Variants in MOK observed in about 807,000 individuals in gnomAD.
MOK encodes MOK protein kinase, also known as MAPK/MAK/MRK overlapping kinase.
A neutral mutation model predicts 54.2 loss-of-function variants in MOK; 59 were observed. The ratio of observed to expected loss-of-function variants is 1.09; its 90% CI spans 0.88 to 1.35. The LOEUF (loss-of-function observed/expected upper bound fraction) is 1.35. MOK is among the 40% of genes most tolerant of loss of function. MOK has a pLI of 0.00. For synonymous variants in MOK, 210 were observed against 202.7 expected, an observed-to-expected ratio of 1.04 and a Z score of -0.31; for missense variants, 517 against 526.2, an observed-to-expected ratio of 0.98 and a Z score of 0.17.
rs115385966 is a variant in MOK, at chr14:102,282,920, T to C, written c.122+558A>G. 4.6e-3 allele frequency among the ~76,000 whole-genome samples: 699 copies of C among 151,864 alleles called. 6 individuals are homozygous for C. The highest frequency in any genetic ancestry group is 0.016 in the African/African-American group (650 of 41,400). Reference sequence around the variant, plus strand: ...AAAAATAATAATTAGCCGGGCTTGGTGGCACATGCCTGCAGTTGCAGCTAC... The same window carrying C: ...AAAAATAATAATTAGCCGGGCTTGGCGGCACATGCCTGCAGTTGCAGCTAC... On this transcript the variant is annotated intron_variant, in intron 2 of 11. Coordinates refer to ENST00000361847, the MANE Select transcript of MOK (RefSeq NM_014226.3).
chr14:102,226,357 TTGAA>T (rs1168461311), downstream of MOK: 14 of 703,056 alleles, frequency 2.0e-5, no homozygotes, highest in East Asian at 2.7e-4. This position sits in a 1 kb window ranked among gnomAD's most constrained non-coding sequence, Gnocchi z 4.8. Context: ...ATGAACGTGT[TTGAA>T]TGGGGAGGAG....
intron 1 of MOK, among the ~76,000 whole-genome samples, chr14:102,300,000 AG>A (rs2071978587): frequency 6.6e-6 from 1 of 151,948 alleles, no homozygotes. Context: ...CAATATAGGG[AG>A]ACCCCCATCT....
intron 2 of MOK, among the ~76,000 whole-genome samples, chr14:102,275,697 C>T (rs2068803409): frequency 1.3e-5 from 2 of 150,088 alleles, no homozygotes; most frequent in Non-Finnish European, 3.0e-5. Context: ...AGACAGAAAA[C>T]AAAAAACAAT....
chr14:102,297,925 G>A (rs528945732), intron 1 of MOK, among the ~76,000 whole-genome samples: 1 of 152,178 alleles, frequency 6.6e-6, no homozygotes, highest in Non-Finnish European at 1.5e-5. Flanking sequence ...TGCTACCCAC[G>A]AGGCAGGGCT....
intron 1 of MOK, among the ~76,000 whole-genome samples, chr14:102,299,165 C>T (rs923930077): frequency 3.5e-4 from 53 of 149,532 alleles, no homozygotes; most frequent in African/African-American, 1.2e-3. Flanking sequence ...CTTTCCATGG[C>T]GGAAAAAAAA....
chr14:102,268,371 GA>G lies in MOK; in HGVS notation c.123-2460del, dbSNP rs575944885. 8.8e-3 allele frequency among the ~76,000 whole-genome samples: 1,274 copies of G among 144,330 alleles called. 24 individuals carry two copies. Among genetic ancestry groups the G allele is most frequent in the African/African-American group, 0.029 (1,158 of 39,722 alleles). 94.7% of individuals were successfully genotyped at this position (144,330 alleles called of 152,430 possible). A position where few individuals can be genotyped will look rare whatever the true frequency, so the allele number is the denominator to read the frequency against. The stretch of plus-strand genomic sequence containing the variant: ...ACTCTGTCCCCTCTTTTAAAATCAT[GA>G]AAAAAAAAAAATCTAAAAAAACCTG... On this transcript the variant is annotated intron_variant, in intron 2 of 11. Coordinates refer to ENST00000361847, the MANE Select transcript of MOK (RefSeq NM_014226.3).
intron 7 of MOK, among the ~76,000 whole-genome samples, chr14:102,248,377 G>A (rs2066258630): frequency 6.7e-6 from 1 of 150,072 alleles, no homozygotes; most frequent in Admixed American, 6.6e-5. Flanking sequence ...GCAGGAGGTC[G>A]TGGGAAGCAT....
the MOK span, among the ~76,000 whole-genome samples, chr14:102,219,446 G>A: frequency 5.9e-5 from 9 of 152,234 alleles, no homozygotes; most frequent in African/African-American, 1.2e-4. Context: ...TGATGCCAAC[G>A]CAGGGCCACA....
intron 1 of MOK, among the ~76,000 whole-genome samples, chr14:102,301,956 T>C (rs1394578363): frequency 6.6e-6 from 1 of 152,218 alleles, no homozygotes; most frequent in African/African-American, 2.4e-5. Context: ...TTCACCACAT[T>C]GGCCAGGCTG....
chr14:102,237,297 T>C (rs767261151), intron 7 of MOK, among the ~76,000 whole-genome samples: 3 of 152,208 alleles, frequency 2.0e-5, no homozygotes, highest in Non-Finnish European at 4.4e-5. Flanking sequence ...AGTTACTCTC[T>C]TAAAACTTTC....
At position 102,231,691 on chromosome 14, in the gene MOK, C is replaced by T. The variant is rs186455941; in HGVS notation, c.981+16G>A. Reference sequence around the variant, plus strand: ...GGCTGAGCTAGGCAGTCTCCGGCTCCGATTTCGCTTAGTACCTGCTTTCTG... The same window carrying T: ...GGCTGAGCTAGGCAGTCTCCGGCTCTGATTTCGCTTAGTACCTGCTTTCTG... On this transcript the variant is annotated intron_variant, in intron 10 of 11. Transcript: ENST00000361847. The surrounding 1 kb of genome is among the most constrained non-coding windows in gnomAD (Gnocchi z 4.4). 22 of 1,604,842 alleles carry T rather than the reference C, an allele frequency of 1.4e-5. No individual in the cohort carries two copies. The highest frequency in any genetic ancestry group is 2.7e-5 in the African/African-American group (2 of 74,714).
At chr14:102,266,433 T>C (rs1218409824) in intron 2 of MOK, among the ~76,000 whole-genome samples, 1 of 151,372 alleles carries the variant, frequency 6.6e-6, no homozygotes, top group African/African-American at 2.4e-5. Flanking sequence ...GCCTCCTGAG[T>C]AGCTGGGACC....
At chr14:102,300,045 C>T (rs981719976) in intron 1 of MOK, among the ~76,000 whole-genome samples, 4 of 152,014 alleles carry the variant, frequency 2.6e-5, no homozygotes, top group African/African-American at 9.7e-5. Context: ...GCCGGGGAGC[C>T]GGGCACAGTG....
chr14:102,298,005 C>G (rs1177546271), intron 1 of MOK, among the ~76,000 whole-genome samples: 2 of 152,202 alleles, frequency 1.3e-5, no homozygotes, highest in African/African-American at 4.8e-5. Context: ...CCCAAGCCTC[C>G]CCGAGGAGCA....
chr14:102,255,841 C>G (rs1259578723), intron 4 of MOK, among the ~76,000 whole-genome samples: 1 of 152,186 alleles, frequency 6.6e-6, no homozygotes, highest in South Asian at 2.1e-4. Context: ...TCTGCTCTAG[C>G]TATCCTGACC....
intron 4 of MOK, among the ~76,000 whole-genome samples, chr14:102,262,967 C>A (rs1257894814): frequency 6.6e-6 from 1 of 152,200 alleles, no homozygotes; most frequent in Non-Finnish European, 1.5e-5. Context: ...TGTGGGCCAG[C>A]CTCTCCTTTT....
intron 1 of MOK, 115 bp from the exon 2 acceptor site, chr14:102,283,707 T>C (rs1682057673): frequency 4.9e-6 from 3 of 608,932 alleles, no homozygotes; most frequent in African/African-American, 1.9e-5. Flanking sequence ...ATACTGAGAA[T>C]TGTTTCTCCT....
At chr14:102,258,074 T>C (rs2067113390) in intron 4 of MOK, among the ~76,000 whole-genome samples, 1 of 152,236 alleles carries the variant, frequency 6.6e-6, no homozygotes, top group East Asian at 1.9e-4. Flanking sequence ...AATTCATTTT[T>C]ACTATATTTT....
chr14:102,224,751 C>T (rs1311666640), downstream of MOK: 1 of 456,068 alleles, frequency 2.2e-6, no homozygotes, highest in South Asian at 1.5e-5. Flanking sequence ...AAGGCGCCAG[C>T]AGGGACTCTG....
Sources: allele counts gnomAD v4.1 joint callset (sites outside exome capture counted in the v4.1 genomes callset), GRCh38; gene constraint gnomAD v4.1.1; non-coding constraint Gnocchi (gnomAD v3.1); transcripts MANE v1.5; gene names NCBI Gene and HGNC (gene_info 2026-07-23, HGNC 2026-07-21).